Variants in CLASP2 observed in about 807,000 individuals in gnomAD.
CLASP2 encodes the protein CLIP-associating protein 2.
CLASP2 carries 47 observed loss-of-function variants against 194.4 expected under a neutral mutation model. The observed-to-expected ratio is 0.24, with a 90% confidence interval of 0.19 to 0.31. CLASP2 has a LOEUF of 0.31. Among genes scored for constraint, CLASP2 ranks in the 10% least tolerant of loss-of-function variants. The pLI is 1.00. For missense variants in CLASP2, 1,445 were observed against 1,823.6 expected (o/e 0.79, Z 3.78); for synonymous variants, 619 against 633.5 (o/e 0.98, Z 0.34).
intron 20 of CLASP2, among the ~76,000 whole-genome samples, chr3:33,593,432 T>C (rs2069331875): frequency 6.6e-6 from 1 of 152,188 alleles, no homozygotes; most frequent in Non-Finnish European, 1.5e-5. Context: ...AAATACTGGC[T>C]AGCCCAATAT....
intron 7 of CLASP2, among the ~76,000 whole-genome samples, chr3:33,655,868 T>C (rs1306272891): frequency 2.0e-5 from 3 of 152,186 alleles, no homozygotes; most frequent in Non-Finnish European, 4.4e-5. Context: ...TTTGGAATAA[T>C]AGACTGTGCT....
chr3:33,553,454 T>C (rs367564591), intron 29 of CLASP2, among the ~76,000 whole-genome samples: 1 of 152,190 alleles, frequency 6.6e-6, no homozygotes, highest in South Asian at 2.1e-4. Context: ...ACCATACATC[T>C]GATAAGTGGT....
At chr3:33,658,342 C>T (rs965283947) in intron 7 of CLASP2, among the ~76,000 whole-genome samples, 2 of 151,970 alleles carry the variant, frequency 1.3e-5, no homozygotes, top group East Asian at 3.9e-4. Context: ...AACTATAATG[C>T]CTAATAAGGC....
At chr3:33,684,306 T>C in intron 6 of CLASP2, 53 bp downstream of exon 6, 2 of 982,110 alleles carry the variant, frequency 2.0e-6, no homozygotes, top group Non-Finnish European at 3.1e-6. Flanking sequence ...AAATGAAAAC[T>C]TTTAAAACTA....
intron 37 of CLASP2, 42 bp from the exon 38 acceptor site, chr3:33,501,810 C>T: frequency 8.3e-7 from 1 of 1,199,946 alleles, no homozygotes; most frequent in Non-Finnish European, 1.2e-6. Flanking sequence ...GAGAAGTCCA[C>T]TGTTAGTACT....
chr3:33,704,887 A>AAAATGTC (rs1185059190), intron 1 of CLASP2, among the ~76,000 whole-genome samples: 18 of 152,144 alleles, frequency 1.2e-4, no homozygotes, highest in Admixed American at 1.2e-3. Flanking sequence ...AGGAAAATGG[A>AAAATGTC]AAATGTCAAA....
chr3:33,541,567 T>C (rs2058371104), intron 32 of CLASP2, among the ~76,000 whole-genome samples: 1 of 152,110 alleles, frequency 6.6e-6, no homozygotes, highest in Non-Finnish European at 1.5e-5. Context: ...CTCCTACTTG[T>C]AAGTGAGAAC....
chr3:33,606,462 A>G (rs756812834), intron 16 of CLASP2, 129 bp downstream of exon 16: 1 of 610,734 alleles, frequency 1.6e-6, no homozygotes, highest in African/African-American at 1.9e-5. Flanking sequence ...AAAATAAATA[A>G]GTGTATTAGA....
At chr3:33,590,897 T>A (rs1247676120) in intron 21 of CLASP2, among the ~76,000 whole-genome samples, 1 of 152,206 alleles carries the variant, frequency 6.6e-6, no homozygotes, top group East Asian at 1.9e-4. Flanking sequence ...AATAGCCAAG[T>A]AGGCTGGGTG....
chr3:33,561,642 C>G lies in CLASP2; in HGVS notation c.2767-671G>C, dbSNP rs562492550. ...TCCATACCCATTTATGGGTTTTTTACTTACTTCCAATATTAATCTATTTGT... is the reference window on the plus strand; with the variant it reads ...TCCATACCCATTTATGGGTTTTTTAGTTACTTCCAATATTAATCTATTTGT... On this transcript the variant is annotated intron_variant, in intron 27 of 38. Transcript: ENST00000682230. Among the ~76,000 whole-genome samples, 17 of 152,180 alleles carry G rather than the reference C, an allele frequency of 1.1e-4. No individual in the cohort carries two copies. The East Asian group carries it at 2.7e-3, about 24-fold the overall frequency.
intron 23 of CLASP2, among the ~76,000 whole-genome samples, chr3:33,580,355 A>G (rs901252134): frequency 6.6e-6 from 1 of 152,102 alleles, no homozygotes; most frequent in Non-Finnish European, 1.5e-5. Context: ...TGAGGTCAGG[A>G]GTTCGAGACC....
intron 21 of CLASP2, among the ~76,000 whole-genome samples, chr3:33,586,185 AG>A (rs1414286155): frequency 6.7e-6 from 1 of 149,252 alleles, no homozygotes; most frequent in African/African-American, 2.5e-5. Context: ...CCCAGGCTGG[AG>A]TGCAGTGGCG....
At chr3:33,557,674 G>GCA (rs1236889613) in intron 29 of CLASP2, among the ~76,000 whole-genome samples, 1 of 152,146 alleles carries the variant, frequency 6.6e-6, no homozygotes, top group Admixed American at 6.5e-5. Context: ...GGAACACCTA[G>GCA]CACACTGCCT....
intron 10 of CLASP2, among the ~76,000 whole-genome samples, chr3:33,625,429 T>C (rs750972786): frequency 3.2e-4 from 48 of 151,860 alleles, no homozygotes; most frequent in Non-Finnish European, 5.2e-4. Flanking sequence ...CATATTAACC[T>C]GCACTCAATA....
chr3:33,621,837 C>T (rs1175728989), intron 11 of CLASP2, among the ~76,000 whole-genome samples: 2 of 152,072 alleles, frequency 1.3e-5, no homozygotes, highest in African/African-American at 4.8e-5. Context: ...AAAGTGAATA[C>T]AGCCAGTTTC....
intron 34 of CLASP2, among the ~76,000 whole-genome samples, chr3:33,525,898 C>T (rs2054410511): frequency 6.6e-6 from 1 of 152,216 alleles, no homozygotes; most frequent in African/African-American, 2.4e-5. Context: ...CCGTTAACGG[C>T]ACTGCACCTC....
At chr3:33,694,199 C>G (rs749341510) in intron 2 of CLASP2, among the ~76,000 whole-genome samples, 3 of 151,866 alleles carry the variant, frequency 2.0e-5, no homozygotes, top group African/African-American at 7.3e-5. Context: ...AAAGTACTTG[C>G]TAAAGATTAC....
At chr3:33,702,520 T>C (rs1337123716) in intron 1 of CLASP2, among the ~76,000 whole-genome samples, 2 of 151,966 alleles carry the variant, frequency 1.3e-5, no homozygotes, top group Non-Finnish European at 2.9e-5. Context: ...GAAGAAAACA[T>C]AGGGTAAATC....
intron 6 of CLASP2, among the ~76,000 whole-genome samples, chr3:33,676,689 C>G (rs1016941850): frequency 6.6e-6 from 1 of 152,094 alleles, no homozygotes; most frequent in Non-Finnish European, 1.5e-5. Flanking sequence ...CAACAAAAGC[C>G]GAAATTGACA....
Sources: gnomAD v4.1 joint callset for allele counts (sites outside exome capture counted in the v4.1 genomes callset) on GRCh38, gnomAD v4.1.1 for gene constraint, MANE v1.5 for transcripts, NCBI Gene and HGNC (gene_info 2026-07-23, HGNC 2026-07-21) for gene names.